LVRN: variants seen among roughly 807,000 people sequenced by gnomAD.
The protein encoded by LVRN is laeverin.
LVRN carries 99 observed loss-of-function variants against 111.4 expected under a neutral mutation model. The ratio of observed to expected loss-of-function variants is 0.89; its 90% confidence interval spans 0.76 to 1.05. The LOEUF is 1.05. Ranked by LOEUF, LVRN falls within the 50% of genes least tolerant of loss-of-function variation. LVRN has a pLI of 0.00. For missense variants in LVRN, 1,414 were observed against 1,206.8 expected (o/e 1.17, Z -2.54); for synonymous variants, 488 against 449.5 (o/e 1.09, Z -1.08).
intron 18 of LVRN, among the ~76,000 whole-genome samples, chr5:116,018,853 AACTT>A: frequency 6.6e-6 from 1 of 152,298 alleles, no homozygotes; most frequent in Non-Finnish European, 1.5e-5. Flanking sequence ...GAAATTAATA[AACTT>A]AATTTTTTAG....
chr5:116,021,990 T>C (rs1039000863), intron 18 of LVRN, among the ~76,000 whole-genome samples: 17 of 152,198 alleles, frequency 1.1e-4, no homozygotes, highest in African/African-American at 3.4e-4. Context: ...AAATACACGT[T>C]CAGGGGGCTT....
rs951721665 is a variant in LVRN at position 116,027,310 on chromosome 5, C to T, written c.*1192C>T. ...TTTTAAAGATTAAGGAGTATGACAT[C>T]AATTAACAGTCTTTAAAGATGTTAC... On this transcript the variant is annotated 3_prime_UTR_variant, in exon 20 of 20. Coordinates refer to ENST00000357872, the MANE Select transcript of LVRN (RefSeq NM_173800.5). 2.0e-5 allele frequency: 3 copies of T among 152,166 alleles called. No homozygotes were observed. The highest frequency in any genetic ancestry group is 4.4e-5 in the Non-Finnish European group (3 of 68,028). The allele number at this position is 152,166 out of a possible 1,614,324, so 9.4% of individuals were successfully genotyped here. A position where few individuals can be genotyped will look rare whatever the true frequency, so the allele number is the denominator to read the frequency against.
At chr5:115,997,121 T>C (rs1202120078) in intron 6 of LVRN, among the ~76,000 whole-genome samples, 1 of 152,180 alleles carries the variant, frequency 6.6e-6, no homozygotes, top group African/African-American at 2.4e-5. Flanking sequence ...TCCGTTGTGC[T>C]TGGAACATCA....
At chr5:115,983,053 A>G (rs1436418382) in intron 1 of LVRN, among the ~76,000 whole-genome samples, 19 of 152,166 alleles carry the variant, frequency 1.2e-4, no homozygotes, top group Non-Finnish European at 2.9e-5. Flanking sequence ...AATAAAACAA[A>G]TATTATTTTG....
At chr5:116,019,612 T>C (rs1748671600) in intron 18 of LVRN, among the ~76,000 whole-genome samples, 1 of 152,262 alleles carries the variant, frequency 6.6e-6, no homozygotes, top group South Asian at 2.1e-4. Context: ...TTCCAGAAGA[T>C]TTCATTTTAT....
chr5:115,996,469 C>G (rs1748115216), intron 6 of LVRN, among the ~76,000 whole-genome samples: 1 of 152,104 alleles, frequency 6.6e-6, no homozygotes, highest in African/African-American at 2.4e-5. Context: ...AGGACATTGC[C>G]ACGTTCTTTG....
chr5:116,014,551 C>T (rs567203936), intron 16 of LVRN, 24 bp downstream of exon 16: 1 of 1,574,860 alleles, frequency 6.3e-7, no homozygotes, highest in South Asian at 1.1e-5. Context: ...CATAATTCCT[C>T]TTGTTTTTGT....
intron 16 of LVRN, among the ~76,000 whole-genome samples, 163 bp downstream of exon 16, chr5:116,014,690 A>G (rs891245970): frequency 6.6e-6 from 1 of 152,168 alleles, no homozygotes; most frequent in Non-Finnish European, 1.5e-5. Flanking sequence ...CCAGTGTTTA[A>G]TGTGGGTCTG....
At chr5:116,000,189 A>T (rs949706643) in intron 7 of LVRN, among the ~76,000 whole-genome samples, 11 of 152,186 alleles carry the variant, frequency 7.2e-5, no homozygotes, top group Non-Finnish European at 1.6e-4. Context: ...CTATGTAAAG[A>T]TCTCAATTTT....
At chr5:115,978,202 G>A (rs17481933) in intron 1 of LVRN, among the ~76,000 whole-genome samples, 9,246 of 152,204 alleles carry the variant, frequency 0.061, 323 homozygotes, top group Middle Eastern at 0.099. Context: ...CTCAAAACGA[G>A]GTCAGAGAAC....
In LVRN at chr5:116,026,410, A is replaced by G. The variant is rs1748868140; in HGVS notation, c.*292A>G. 1 of 385,546 alleles carries G rather than the reference A, an allele frequency of 2.6e-6. No individual in the cohort carries two copies. Among genetic ancestry groups the G allele is most frequent in the African/African-American group, 2.1e-5 (1 of 48,134 alleles). The allele number at this position is 385,546 out of a possible 1,614,324, so 23.9% of individuals were successfully genotyped here. On this transcript the variant is annotated 3_prime_UTR_variant, in exon 20 of 20. Transcript: ENST00000357872. ...ACGTAAAAACAAATTCACCTAAGATAGTCTTGCTTATTTTGTTGCGAAGGC... is the reference window on the plus strand; with the variant it reads ...ACGTAAAAACAAATTCACCTAAGATGGTCTTGCTTATTTTGTTGCGAAGGC...
chr5:116,010,934 T>C, intron 14 of LVRN, 40 bp downstream of exon 14: 1 of 1,433,828 alleles, frequency 7.0e-7, no homozygotes, highest in African/African-American at 1.5e-5. Context: ...AAATAAATCC[T>C]CTCTTCTTCT....
At position 116,001,124 on chromosome 5, in the gene LVRN, A is replaced by T; in HGVS notation, c.1705A>T (p.Ser569Cys). The T allele has an allele frequency of 6.2e-7, 1 of 1,613,608 alleles. No homozygotes were observed. Among genetic ancestry groups the T allele is most frequent in the South Asian group, 1.1e-5 (1 of 90,928 alleles). The change falls in exon 10 of 20, where the codon AGT (serine) becomes TGT (cysteine). Residue 569 changes from serine to cysteine, a missense_variant. Physicochemically the swap from Ser to Cys is moderately radical, Grantham distance 112. Coordinates refer to ENST00000357872, the MANE Select transcript of LVRN (RefSeq NM_173800.5). The stretch of plus-strand genomic sequence containing the variant: ...AGCAACAATAAAAAACATAATGGAC[A>T]GTTGGACACACCAGAGTGGTTTTCC... ...LPATIKNIMDSWTHQSGFPVI... is the reference protein window; with the variant it reads ...LPATIKNIMDCWTHQSGFPVI...
chr5:116,015,524 T>C, intron 17 of LVRN, 104 bp from the exon 18 acceptor site: 1 of 1,478,384 alleles, frequency 6.8e-7, no homozygotes, highest in Non-Finnish European at 9.0e-7. Flanking sequence ...GTTGCGTATT[T>C]GTGCTTCACT....
At chr5:116,003,050 G>A in intron 11 of LVRN, 139 bp downstream of exon 11, 1 of 935,868 alleles carries the variant, frequency 1.1e-6, no homozygotes. Flanking sequence ...GAGTTTTAAA[G>A]AAAAGTGTCA....
intron 6 of LVRN, among the ~76,000 whole-genome samples, chr5:115,996,942 G>A (rs1580388945): frequency 6.6e-6 from 1 of 152,124 alleles, no homozygotes; most frequent in South Asian, 2.1e-4. Context: ...GCATCTGCTA[G>A]GTACTGTTGA....
rs777079470 is a variant in LVRN at position 116,003,325 on chromosome 5, A to G, written c.1982A>G (p.Asn661Ser). 5.9e-6 allele frequency: 9 copies of G among 1,530,036 alleles called. No homozygotes were observed. In the South Asian group the frequency reaches 1.1e-4, roughly 19 times the overall value. The allele number at this position is 1,530,036 out of a possible 1,614,324, so 94.8% of individuals were successfully genotyped here. A position where few individuals can be genotyped will look rare whatever the true frequency, so the allele number is the denominator to read the frequency against. The change falls in exon 12 of 20, where the codon AAT (asparagine) becomes AGT (serine). Residue 661 changes from asparagine to serine, a missense_variant. Coordinates refer to ENST00000357872, the MANE Select transcript of LVRN (RefSeq NM_173800.5). ...NLNMTGYYRV[N>S]YDKLGWKKLN... ...AATATGACTGGATATTATAGAGTTA[A>G]TTATGATAAATTAGGTTGGAAGAAA...
At chr5:116,007,784 G>A (rs986908186) in intron 13 of LVRN, among the ~76,000 whole-genome samples, 4 of 152,180 alleles carry the variant, frequency 2.6e-5, no homozygotes, top group African/African-American at 9.7e-5. Flanking sequence ...TTTTCCAGCA[G>A]CATGTGCTCA....
At chr5:115,978,131 T>A (rs1250583682) in intron 1 of LVRN, among the ~76,000 whole-genome samples, 1 of 152,152 alleles carries the variant, frequency 6.6e-6, no homozygotes, top group Non-Finnish European at 1.5e-5. Context: ...TCTGGCATGG[T>A]GATTAGGGTA....
Sources: gnomAD v4.1 joint callset for allele counts (sites outside exome capture counted in the v4.1 genomes callset) on GRCh38, gnomAD v4.1.1 for gene constraint, MANE v1.5 for transcripts, NCBI Gene and HGNC (gene_info 2026-07-23, HGNC 2026-07-21) for gene names.